USP6: variants seen among roughly 807,000 people sequenced by gnomAD.
USP6 encodes the protein ubiquitin specific peptidase 6, also known as ubiquitin carboxyl-terminal hydrolase 6.
In USP6, 128 loss-of-function variants were observed where a neutral mutation model predicts 175.7. The observed-to-expected ratio is 0.73, with a 90% CI of 0.63 to 0.84. The LOEUF (loss-of-function observed/expected upper bound fraction) is 0.84. Among genes scored for constraint, USP6 ranks in the 40% least tolerant of loss-of-function variants. USP6 has a pLI of 0.00. For missense variants in USP6, 1,498 were observed against 1,760.3 expected, an observed-to-expected ratio of 0.85 and a Z score of 2.67; for synonymous variants, 562 against 630.6, an observed-to-expected ratio of 0.89 and a Z score of 1.63.
chr17:5,120,574 G>A, intron 2 of USP6, 53 bp from the exon 3 acceptor site: 1 of 358,882 alleles, frequency 2.8e-6, no homozygotes, highest in East Asian at 7.4e-5. Context: ...GCAGGCCCCA[G>A]GGTCTTTCCC....
At chr17:5,150,495 TA>T (rs2073738672) in intron 30 of USP6, among the ~76,000 whole-genome samples, 1 of 150,930 alleles carries the variant, frequency 6.6e-6, no homozygotes, top group Non-Finnish European at 1.5e-5. Flanking sequence ...AACAGAAATA[TA>T]TCTTTTTTTT....
At chr17:5,148,448 C>T in intron 29 of USP6, 108 bp from the exon 30 acceptor site, 1 of 1,254,566 alleles carries the variant, frequency 8.0e-7, no homozygotes, top group Non-Finnish European at 1.1e-6. Context: ...TTTCTCCCTG[C>T]CCTGTGTTAA....
chr17:5,119,897 C>A (rs2072613405), intron 2 of USP6, among the ~76,000 whole-genome samples: 3 of 152,068 alleles, frequency 2.0e-5, no homozygotes. Flanking sequence ...TGCACAGGGA[C>A]CCCTCCTTCA....
intron 34 of USP6, 144 bp from the exon 35 acceptor site, chr17:5,168,623 T>G: frequency 1.6e-6 from 2 of 1,273,190 alleles, no homozygotes; most frequent in Non-Finnish European, 2.2e-6. Context: ...GAAACCATAT[T>G]TTTGAAGTCT....
chr17:5,174,830 T>G lies in USP6; in HGVS notation c.*1852T>G, dbSNP rs375057439. On this transcript the variant is annotated 3_prime_UTR_variant, in exon 38 of 38. Coordinates refer to ENST00000574788, the MANE Select transcript of USP6 (RefSeq NM_001304284.2). Reference sequence around the variant, plus strand: ...TGTATAAAACTTGTTGACAATGCACTGACTTTAGAAAGATGTTAATGTACA... The same window carrying G: ...TGTATAAAACTTGTTGACAATGCACGGACTTTAGAAAGATGTTAATGTACA... 1.5e-4 allele frequency: 30 copies of G among 193,702 alleles called. No individual in the cohort carries two copies. The highest frequency in any genetic ancestry group is 7.0e-4 in the African/African-American group (30 of 43,140). 12.0% of individuals were successfully genotyped at this position (193,702 alleles called of 1,614,324 possible). A position where few individuals can be genotyped will look rare whatever the true frequency, so the allele number is the denominator to read the frequency against.
At chr17:5,123,898 CACGT>C (rs946315927) in intron 4 of USP6, among the ~76,000 whole-genome samples, 3 of 142,850 alleles carry the variant, frequency 2.1e-5, no homozygotes, top group South Asian at 2.1e-4. Context: ...CGCAAGCACG[CACGT>C]GCGCACACAC....
chr17:5,172,256 G>A (rs1434103601), intron 37 of USP6, among the ~76,000 whole-genome samples: 1 of 152,050 alleles, frequency 6.6e-6, no homozygotes, highest in Non-Finnish European at 1.5e-5. Context: ...GTTGGGCCGA[G>A]CGCGGTGGCT....
chr17:5,145,601 A>G (rs765652234), intron 27 of USP6, 22 bp downstream of exon 27: 1 of 1,548,798 alleles, frequency 6.5e-7, no homozygotes, highest in East Asian at 2.3e-5. Context: ...AGTTCTGAAA[A>G]ATTACTTGAT....
At chr17:5,138,938 C>T in intron 21 of USP6, 1 of 1,321,786 alleles carries the variant, frequency 7.6e-7, no homozygotes, top group South Asian at 1.3e-5. Flanking sequence ...AAGGCCCCTC[C>T]CACTTGAGTT....
At position 5,130,643 on chromosome 17, in the gene USP6, C is replaced by T. The variant is rs901693045; in HGVS notation, c.114C>T (p.Pro38=). 5.6e-6 allele frequency: 9 copies of T among 1,613,768 alleles called. No homozygotes were observed. Among genetic ancestry groups the T allele is most frequent in the Admixed American group, 3.3e-5 (2 of 59,990 alleles). ...AGLPEDKGPE[P]VGINSSIDRF... ...TGCCAGAGGACAAGGGGCCTGAGCC[C>T]GTTGGAATCAACAGCAGCATTGATC... is the stretch of plus-strand genomic sequence containing the variant. Residue 38 remains proline (P), a synonymous_variant, in exon 11 of 38, where the codon CCC becomes CCT. Coordinates refer to ENST00000574788, the MANE Select transcript of USP6 (RefSeq NM_001304284.2).
At chr17:5,158,580 G>GGAGAGA (rs772325537) in intron 31 of USP6, among the ~76,000 whole-genome samples, 1 of 104,168 alleles carries the variant, frequency 9.6e-6, no homozygotes, top group African/African-American at 3.9e-5. Context: ...AGAGAGAGAG[G>GGAGAGA]GAGAGAGAGA....
At position 5,145,411 on chromosome 17, in the gene USP6, G is replaced by A. The variant is rs368983910; in HGVS notation, c.1999G>A (p.Asp667Asn). The change falls in exon 27 of 38, where the codon GAC (aspartate) becomes AAC (asparagine). Residue 667 changes from aspartate (D) to asparagine (N), a missense_variant. Asp to Asn is a conservative substitution (Grantham distance 23, BLOSUM62 1). Around this residue, in one of 2 missense-constraint regions of USP6, gnomAD observed 1,217 missense variants for 1,500.8 expected, o/e 0.81. Transcript: ENST00000574788. Reference protein sequence around the residue: ...PDWEVAAEAWDNHLRRNRSII... With the variant: ...PDWEVAAEAWNNHLRRNRSII... ...TCATCTTTTTTATTGCTAGGCCTGG[G>A]ACAACCATCTAAGAAGAAATAGATC... 3.1e-6 allele frequency: 5 copies of A among 1,600,054 alleles called. No homozygotes were observed. The highest frequency in any genetic ancestry group is 1.1e-5 in the South Asian group (1 of 88,060).
chr17:5,122,663 C>T (rs1227467903), intron 4 of USP6, among the ~76,000 whole-genome samples: 1 of 152,204 alleles, frequency 6.6e-6, no homozygotes, highest in Non-Finnish European at 1.5e-5. Context: ...CTGGACACAG[C>T]TCCGCCCTTC....
chr17:5,127,696 G>C (rs2072935510), intron 7 of USP6, 57 bp downstream of exon 7: 1 of 152,100 alleles, frequency 6.6e-6, no homozygotes, highest in African/African-American at 2.4e-5. Flanking sequence ...AGGGTCCCCG[G>C]GGATGCCAAA....
At chr17:5,146,265 C>A in intron 28 of USP6, 91 bp downstream of exon 28, 1 of 1,416,314 alleles carries the variant, frequency 7.1e-7, no homozygotes, top group South Asian at 1.8e-5. Context: ...GGTTATGTGA[C>A]CAAGAGAGAT....
Position 5,117,770 on chromosome 17 carries a change from ATGG to A in USP6, c.-1927-426_-1927-424del, listed in dbSNP as rs750275993. Among the ~76,000 whole-genome samples the A allele has an allele frequency of 7.9e-5, 12 of 152,120 alleles. No individual in the cohort carries two copies. The South Asian group carries it at 1.5e-3, about 18-fold the overall frequency. On this transcript the variant is annotated intron_variant, in intron 1 of 37. Coordinates refer to ENST00000574788, the MANE Select transcript of USP6 (RefSeq NM_001304284.2). ...GCGATAATAGTACAAGCAAGAGATG[ATGG>A]TGGCCTCACTCTAAGGGCATTAAAA...
At position 5,142,058 on chromosome 17, in the gene USP6, G is replaced by A. The variant is rs927391233; in HGVS notation, c.1629G>A (p.Met543Ile). The change falls in exon 24 of 38, where the codon ATG becomes ATA. Residue 543 changes from methionine to isoleucine, a missense_variant. Physicochemically the swap from Met to Ile is conservative, Grantham distance 10. Coordinates refer to ENST00000574788, the MANE Select transcript of USP6 (RefSeq NM_001304284.2). Reference sequence around the variant, plus strand: ...GCAACCTGGGAAACACATGCTTCATGAACTCAAGCATCCAGTGCGTTAGTA... The same window carrying A: ...GCAACCTGGGAAACACATGCTTCATAAACTCAAGCATCCAGTGCGTTAGTA... The part of the protein sequence containing the change: ...GLSNLGNTCF[M>I]NSSIQCVSNT... 1.2e-6 allele frequency: 2 copies of A among 1,613,762 alleles called. No homozygotes were observed. Among genetic ancestry groups the A allele is most frequent in the Non-Finnish European group, 1.7e-6 (2 of 1,179,830 alleles).
chr17:5,121,256 C>T, intron 3 of USP6, 119 bp from the exon 4 acceptor site: 2 of 368,812 alleles, frequency 5.4e-6, no homozygotes, highest in East Asian at 7.3e-5. Flanking sequence ...TCTTTGTGTG[C>T]AGGTGCCTTT....
At chr17:5,149,062 GA>G (rs2144026890) in intron 30 of USP6, among the ~76,000 whole-genome samples, 1 of 152,212 alleles carries the variant, frequency 6.6e-6, no homozygotes, top group East Asian at 1.9e-4. Flanking sequence ...CGTATATTAA[GA>G]GGCAACAGGA....
Sources: gnomAD v4.1 joint callset for allele counts (sites outside exome capture counted in the v4.1 genomes callset) on GRCh38, gnomAD v4.1.1 for gene constraint, gnomAD v4.1.1 regional missense constraint, MANE v1.5 for transcripts, NCBI Gene and HGNC (gene_info 2026-07-23, HGNC 2026-07-21) for gene names.